LCNL1: variants seen among roughly 807,000 people sequenced by gnomAD.
LCNL1 encodes lipocalin-like 1 protein.
A neutral mutation model predicts 7.9 loss-of-function variants in LCNL1; 11 were observed. That is an observed-to-expected ratio of 1.40 (90% confidence interval 0.88 to 2.32). LCNL1 has a LOEUF of 2.32. LCNL1 is among the 30% of genes most tolerant of loss of function. The pLI is 0.00. For synonymous variants in LCNL1, 90 were observed against 92.5 expected (o/e 0.97, Z 0.15); for missense variants, 218 against 217.0 (o/e 1.00, Z -0.03).
chr9:136,985,646 G>A lies in LCNL1; in HGVS notation c.*635G>A, dbSNP rs570268044. ...CACCTGCTCCTTGTTTTGCAGTGAG[G>A]GGTCCAGCCCCTGAGTGCCCGCAGG... On this transcript the variant is annotated 3_prime_UTR_variant, in exon 3 of 3. Transcript: ENST00000408973. The A allele has an allele frequency of 6.6e-6, 1 of 152,396 alleles. No individual in the cohort carries two copies. The highest frequency in any genetic ancestry group is 1.9e-4 in the East Asian group (1 of 5,170). 9.4% of individuals were successfully genotyped at this position (152,396 alleles called of 1,614,324 possible). A position where few individuals can be genotyped will look rare whatever the true frequency, so the allele number is the denominator to read the frequency against.
chr9:136,984,575 C>A lies in LCNL1; in HGVS notation c.196+12C>A. On this transcript the variant is annotated intron_variant, in intron 2 of 2. Coordinates refer to ENST00000408973, the MANE Select transcript of LCNL1 (RefSeq NM_207510.4). ...GTTCAGCAACCCAGGTGAGGTGGGG[C>A]AGCAGGCAGGGCTGTGGCGTGGGGG... The A allele has an allele frequency of 6.4e-7, 1 of 1,559,054 alleles. No homozygotes were observed. The highest frequency in any genetic ancestry group is 8.7e-7 in the Non-Finnish European group (1 of 1,151,392).
In LCNL1 at chr9:136,983,387, G is replaced by A; in HGVS notation, c.-200G>A. 1.7e-6 allele frequency: 1 copy of A among 603,674 alleles called. No individual in the cohort carries two copies. Among genetic ancestry groups the A allele is most frequent in the East Asian group, 2.9e-5 (1 of 34,780 alleles). 37.4% of individuals were successfully genotyped at this position (603,674 alleles called of 1,614,324 possible). On this transcript the variant is annotated 5_prime_UTR_variant, in exon 1 of 3. Transcript: ENST00000408973. Reference sequence around the variant, plus strand: ...TGCCAGCTGCAGACAGGCCGGTGCTGGGCTGGTGGGGGCCAGTTGCTCATG... The same window carrying A: ...TGCCAGCTGCAGACAGGCCGGTGCTAGGCTGGTGGGGGCCAGTTGCTCATG...
Position 136,983,852 on chromosome 9 carries a change from G to T in LCNL1, c.122+144G>T, listed in dbSNP as rs1450821437. On this transcript the variant is annotated intron_variant, in intron 1 of 2. Coordinates refer to ENST00000408973, the MANE Select transcript of LCNL1 (RefSeq NM_207510.4). ...GACGGCTCTGTGCGGCAGAGCCCCA[G>T]ATGGCAGCCACACGGAGTCCAGAGG... 5.9e-6 allele frequency: 7 copies of T among 1,186,238 alleles called. No individual in the cohort carries two copies. In the Middle Eastern group the frequency reaches 8.1e-4, roughly 137 times the overall value. 73.5% of individuals were successfully genotyped at this position (1,186,238 alleles called of 1,614,324 possible).
chr9:136,984,400 G>A, intron 1 of LCNL1, 90 bp from the exon 2 acceptor site: 1 of 1,215,142 alleles, frequency 8.2e-7, no homozygotes, highest in South Asian at 1.6e-5. Flanking sequence ...GTGAACAGGG[G>A]ACCCTGGGCT....
rs2131400900 is a variant in LCNL1 at position 136,984,824 on chromosome 9, G to A, written c.308G>A (p.Gly103Asp). The A allele has an allele frequency of 6.3e-7, 1 of 1,578,262 alleles. No homozygotes were observed. The highest frequency in any genetic ancestry group is 2.3e-5 in the East Asian group (1 of 43,506). The part of the protein sequence containing the change: ...GLRNQWLQLY[G>D]GRAAGRRPRH... ...CGGAACCAGTGGCTGCAGCTCTACG[G>A]TGGGCGGGCTGCGGGGCGGAGACCC... Residue 103 changes from glycine to aspartate, a missense_variant, in exon 3 of 3, where the codon GGT (glycine) becomes GAT (aspartate). Physicochemically the swap from Gly to Asp is moderately conservative, Grantham distance 94 (BLOSUM62 -1). Coordinates refer to ENST00000408973, the MANE Select transcript of LCNL1 (RefSeq NM_207510.4).
intron 2 of LCNL1, 69 bp from the exon 3 acceptor site, chr9:136,984,644 G>T: frequency 6.6e-7 from 1 of 1,508,556 alleles, no homozygotes; most frequent in Non-Finnish European, 8.9e-7. Context: ...CTGGGGCCGG[G>T]GCGTGAGGGG....
rs1452189818 is a variant in LCNL1 at position 136,985,039 on chromosome 9, G to C, written c.*28G>C. ...TACCCGCCCTCCCCACCTTCAGCTCGAGCGCCCGAGCTGTTTCCCGAAGGC... is the reference window on the plus strand; with the variant it reads ...TACCCGCCCTCCCCACCTTCAGCTCCAGCGCCCGAGCTGTTTCCCGAAGGC... On this transcript the variant is annotated 3_prime_UTR_variant, in exon 3 of 3. Transcript: ENST00000408973. 4 of 1,437,608 alleles carry C rather than the reference G, an allele frequency of 2.8e-6. No individual in the cohort carries two copies. Among genetic ancestry groups the C allele is most frequent in the Non-Finnish European group, 2.8e-6 (3 of 1,087,000 alleles). 89.1% of individuals were successfully genotyped at this position (1,437,608 alleles called of 1,614,324 possible).
chr9:136,983,802 C>A, intron 1 of LCNL1, 94 bp downstream of exon 1: 1 of 1,555,150 alleles, frequency 6.4e-7, no homozygotes, highest in Admixed American at 1.7e-5. Context: ...GTCCCCAGCA[C>A]ATTGAGGTCA....
Position 136,985,041 on chromosome 9 carries a change from G to A in LCNL1, c.*30G>A, listed in dbSNP as rs752466270. 1 of 1,439,324 alleles carries A rather than the reference G, an allele frequency of 6.9e-7. No individual in the cohort carries two copies. The highest frequency in any genetic ancestry group is 9.2e-7 in the Non-Finnish European group (1 of 1,087,734). The allele number at this position is 1,439,324 out of a possible 1,614,324, so 89.2% of individuals were successfully genotyped here. On this transcript the variant is annotated 3_prime_UTR_variant, in exon 3 of 3. Coordinates refer to ENST00000408973, the MANE Select transcript of LCNL1 (RefSeq NM_207510.4). ...CCCGCCCTCCCCACCTTCAGCTCGA[G>A]CGCCCGAGCTGTTTCCCGAAGGCGC...
At position 136,983,379 on chromosome 9, in the gene LCNL1, C is replaced by A; in HGVS notation, c.-208C>A. 1 of 569,490 alleles carries A rather than the reference C, an allele frequency of 1.8e-6. No homozygotes were observed. 35.3% of individuals were successfully genotyped at this position (569,490 alleles called of 1,614,324 possible). ...CCCCTGGGTGCCAGCTGCAGACAGG[C>A]CGGTGCTGGGCTGGTGGGGGCCAGT... is the stretch of plus-strand genomic sequence containing the variant. On this transcript the variant is annotated 5_prime_UTR_variant, in exon 1 of 3. Coordinates refer to ENST00000408973, the MANE Select transcript of LCNL1 (RefSeq NM_207510.4).
At position 136,984,966 on chromosome 9, in the gene LCNL1, C is replaced by T. The variant is rs1348068453; in HGVS notation, c.450C>T (p.Pro150=). ...WCLWPRVPAP[P]CPSLPLFAPP... Reference sequence around the variant, plus strand: ...TGTGGCCGCGGGTCCCGGCCCCTCCCTGCCCCTCTCTCCCTCTCTTCGCCC... The same window carrying T: ...TGTGGCCGCGGGTCCCGGCCCCTCCTTGCCCCTCTCTCCCTCTCTTCGCCC... Residue 150 remains proline, a synonymous_variant, in exon 3 of 3, where the codon CCC becomes CCT. Coordinates refer to ENST00000408973, the MANE Select transcript of LCNL1 (RefSeq NM_207510.4). 1.3e-6 allele frequency: 2 copies of T among 1,549,760 alleles called. No individual in the cohort carries two copies. Among genetic ancestry groups the T allele is most frequent in the Non-Finnish European group, 1.7e-6 (2 of 1,146,208 alleles).
At position 136,983,417 on chromosome 9, in the gene LCNL1, G is replaced by C; in HGVS notation, c.-170G>C. 1.3e-6 allele frequency: 1 copy of C among 757,420 alleles called. No individual in the cohort carries two copies. Among genetic ancestry groups the C allele is most frequent in the Non-Finnish European group, 2.2e-6 (1 of 455,718 alleles). 46.9% of individuals were successfully genotyped at this position (757,420 alleles called of 1,614,324 possible). A position where few individuals can be genotyped will look rare whatever the true frequency, so the allele number is the denominator to read the frequency against. The stretch of plus-strand genomic sequence containing the variant: ...GGTGGGGGCCAGTTGCTCATGTACT[G>C]AGGCCCCCCTCCCTCAGTTCTGCAT... On this transcript the variant is annotated 5_prime_UTR_variant, in exon 1 of 3. An upstream open reading frame in the 5' UTR loses its in-frame stop. Coordinates refer to ENST00000408973, the MANE Select transcript of LCNL1 (RefSeq NM_207510.4).
chr9:136,985,011 G>C lies in LCNL1; in HGVS notation c.495G>C (p.Ter165TyrextTer31), dbSNP rs961290141. The stretch of plus-strand genomic sequence containing the variant: ...TCGCCCCTCCAGCCCCTTCCCTTTA[G>C]CTTACCCGCCCTCCCCACCTTCAGC... ...PLFAPPAPSL[*>Y] Residue 165 changes from the stop codon to tyrosine (Y), a stop_lost, in exon 3 of 3, where the codon TAG becomes TAC. Coordinates refer to ENST00000408973, the MANE Select transcript of LCNL1 (RefSeq NM_207510.4). The C allele has an allele frequency of 6.7e-6, 10 of 1,485,746 alleles. No homozygotes were observed. The East Asian group carries it at 2.4e-4, about 35-fold the overall frequency. 92.0% of individuals were successfully genotyped at this position (1,485,746 alleles called of 1,614,324 possible).
intron 1 of LCNL1, chr9:136,983,932 G>A: frequency 7.2e-6 from 4 of 558,948 alleles, no homozygotes; most frequent in Non-Finnish European, 1.3e-5. Context: ...AAAAGTGTCT[G>A]CATGTCTGTG....
In LCNL1 at chr9:136,983,688, C is replaced by G. The variant is rs1357101916; in HGVS notation, c.102C>G (p.Ala34=). 2 of 1,613,956 alleles carry G rather than the reference C, an allele frequency of 1.2e-6. No homozygotes were observed. The highest frequency in any genetic ancestry group is 2.7e-5 in the African/African-American group (2 of 75,050). Residue 34 remains alanine (A), a synonymous_variant, in exon 1 of 3, where the codon GCC becomes GCG. Transcript: ENST00000408973. Reference sequence around the variant, plus strand: ...CCCCCTTGGGGAATGGTGACCTGGCCCTCAAGTTTGGATACCCCACGTAAG... The same window carrying G: ...CCCCCTTGGGGAATGGTGACCTGGCGCTCAAGTTTGGATACCCCACGTAAG... ...LVTPLGNGDL[A]LKFGYPTPHG...
Position 136,983,699 on chromosome 9 carries a change from G to A in LCNL1, c.113G>A (p.Gly38Glu). The stretch of plus-strand genomic sequence containing the variant: ...AATGGTGACCTGGCCCTCAAGTTTG[G>A]ATACCCCACGTAAGTGACCACACGA... ...LGNGDLALKF[G>E]YPTPHGGCQK... The change falls in exon 1 of 3, where the codon GGA becomes GAA. Residue 38 changes from glycine (G) to glutamate (E), a missense_variant. Coordinates refer to ENST00000408973, the MANE Select transcript of LCNL1 (RefSeq NM_207510.4). 6.2e-7 allele frequency: 1 copy of A among 1,613,818 alleles called. No individual in the cohort carries two copies. Among genetic ancestry groups the A allele is most frequent in the Non-Finnish European group, 8.5e-7 (1 of 1,179,868 alleles).
At chr9:136,984,449 C>G in intron 1 of LCNL1, 41 bp from the exon 2 acceptor site, 1 of 1,509,330 alleles carries the variant, frequency 6.6e-7, no homozygotes, top group Non-Finnish European at 8.9e-7. Context: ...GGGCGCTGGG[C>G]AGGGGTGGCC....
At position 136,984,553 on chromosome 9, in the gene LCNL1, C is replaced by A; in HGVS notation, c.186C>A (p.Phe62Leu). Reference protein sequence around the residue: ...TFTEGAVPGQFSNPAMALSDI... With the variant: ...TFTEGAVPGQLSNPAMALSDI... ...CCGAGGGTGCTGTACCGGGGCAGTT[C>A]AGCAACCCAGGTGAGGTGGGGCAGC... The change falls in exon 2 of 3, where the codon TTC becomes TTA. Residue 62 changes from phenylalanine (F) to leucine (L), a missense_variant. Physicochemically the swap from Phe to Leu is conservative, Grantham distance 22 (BLOSUM62 0). Transcript: ENST00000408973. 6.4e-7 allele frequency: 1 copy of A among 1,572,314 alleles called. No homozygotes were observed. The highest frequency in any genetic ancestry group is 1.2e-5 in the South Asian group (1 of 85,936).
intron 1 of LCNL1, 109 bp from the exon 2 acceptor site, chr9:136,984,381 A>G (rs1830473604): frequency 1.0e-6 from 1 of 993,840 alleles, no homozygotes; most frequent in Non-Finnish European, 1.4e-6. Flanking sequence ...TCCTCTAAGG[A>G]TTGTGAGGGT....
Sources: allele counts gnomAD v4.1 joint callset, GRCh38; gene constraint gnomAD v4.1.1; transcripts MANE v1.5; gene names NCBI Gene and HGNC (gene_info 2026-07-23, HGNC 2026-07-21).